ZNF804B: variants seen among roughly 807,000 people sequenced by gnomAD.
ZNF804B encodes the protein zinc finger 804B.
A neutral mutation model predicts 101.4 loss-of-function variants in ZNF804B; 80 were observed. The ratio of observed to expected loss-of-function variants is 0.79; its 90% CI spans 0.66 to 0.95. The LOEUF is 0.95. Among genes scored for constraint, ZNF804B ranks in the 40% least tolerant of loss-of-function variants. The pLI is 0.00. For synonymous variants in ZNF804B, 622 were observed against 558.8 expected (o/e 1.11, Z -1.59); for missense variants, 1,673 against 1,561.9 (o/e 1.07, Z -1.20).
chr7:88,882,690 TCA>T (rs1792062570), intron 1 of ZNF804B, among the ~76,000 whole-genome samples: 1 of 152,056 alleles, frequency 6.6e-6, no homozygotes, highest in Non-Finnish European at 1.5e-5. Flanking sequence ...AAGAATGAGA[TCA>T]TGTCATTTGT....
chr7:89,185,077 T>A (rs1788355991), intron 1 of ZNF804B, among the ~76,000 whole-genome samples: 3 of 152,144 alleles, frequency 2.0e-5, no homozygotes, highest in African/African-American at 4.8e-5. Flanking sequence ...GCAGAAAGAA[T>A]CTTCTCAATT....
At chr7:88,846,170 G>C (rs10230033) in intron 1 of ZNF804B, among the ~76,000 whole-genome samples, 4,266 of 152,148 alleles carry the variant, frequency 0.028, 159 homozygotes, top group African/African-American at 0.08. Context: ...CAATAAATCT[G>C]TTATTGTTTT....
At chr7:88,874,825 G>T (rs1263623139) in intron 1 of ZNF804B, among the ~76,000 whole-genome samples, 1 of 150,922 alleles carries the variant, frequency 6.6e-6, no homozygotes, top group Non-Finnish European at 1.5e-5. Flanking sequence ...GACATCTACA[G>T]AACTCCCCAC....
intron 1 of ZNF804B, among the ~76,000 whole-genome samples, chr7:89,162,007 T>C (rs1451807885): frequency 6.6e-6 from 1 of 152,158 alleles, no homozygotes; most frequent in African/African-American, 2.4e-5. Flanking sequence ...AAGAGGAACA[T>C]ATTTAGGATT....
chr7:88,762,583 C>T (rs1789915214), intron 1 of ZNF804B, among the ~76,000 whole-genome samples: 1 of 152,084 alleles, frequency 6.6e-6, no homozygotes, highest in East Asian at 1.9e-4. Context: ...TACACATTCC[C>T]CAGTTATTTT....
At chr7:88,825,917 A>G (rs3847040) in intron 1 of ZNF804B, among the ~76,000 whole-genome samples, 6,062 of 152,180 alleles carry the variant, frequency 0.04, 151 homozygotes, top group Middle Eastern at 0.051. Context: ...GAAATATAGA[A>G]CAAATAGTTC....
chr7:89,333,358 T>A lies in ZNF804B; in HGVS notation c.381-5T>A. ...TAATCATTTAAATATTTATTGTATTTACAGTGTTTCTGGAAATGGACCAGC... is the reference window on the plus strand; with the variant it reads ...TAATCATTTAAATATTTATTGTATTAACAGTGTTTCTGGAAATGGACCAGC... On this transcript the variant is annotated splice_polypyrimidine_tract_variant and splice_region_variant and intron_variant, in intron 3 of 3. Coordinates refer to ENST00000333190, the MANE Select transcript of ZNF804B (RefSeq NM_181646.5). 3.2e-6 allele frequency: 5 copies of A among 1,576,154 alleles called. No homozygotes were observed. The highest frequency in any genetic ancestry group is 4.3e-6 in the Non-Finnish European group (5 of 1,165,552).
At chr7:89,167,444 T>TATAAATAAATAAATAAGTAA (rs5741659) in intron 1 of ZNF804B, among the ~76,000 whole-genome samples, 5 of 112,438 alleles carry the variant, frequency 4.4e-5, no homozygotes, top group Admixed American at 8.9e-5. Flanking sequence ...GACAGTGTCT[T>TATAAATAAATAAATAAGTAA]ATAAATAAAT....
chr7:89,121,707 C>T (rs1406880034), intron 1 of ZNF804B, among the ~76,000 whole-genome samples: 1 of 151,898 alleles, frequency 6.6e-6, no homozygotes, highest in Non-Finnish European at 1.5e-5. Flanking sequence ...AAAGATTTAC[C>T]CAGAGGTATA....
Position 88,911,618 on chromosome 7 carries a change from A to G in ZNF804B, c.108+151534A>G, listed in dbSNP as rs1222915911. Among the ~76,000 whole-genome samples the G allele has an allele frequency of 2.0e-5, 3 of 151,502 alleles. No individual in the cohort carries two copies. The East Asian group carries it at 5.8e-4, about 29-fold the overall frequency. On this transcript the variant is annotated intron_variant, in intron 1 of 3. Transcript: ENST00000333190. The stretch of plus-strand genomic sequence containing the variant: ...CTCTCAGCAATTAATCATTTATTCT[A>G]TTGATGCAAGCTTTTAGTTTTGTTG...
chr7:88,869,730 C>G (rs1236234883), intron 1 of ZNF804B, among the ~76,000 whole-genome samples: 2 of 151,986 alleles, frequency 1.3e-5, no homozygotes, highest in African/African-American at 2.4e-5. Flanking sequence ...AGATAAGGAA[C>G]CCCTGGAGTT....
intron 1 of ZNF804B, among the ~76,000 whole-genome samples, chr7:89,015,300 C>T (rs543604247): frequency 1.5e-3 from 218 of 148,774 alleles, no homozygotes; most frequent in Non-Finnish European, 2.4e-3. Context: ...AGCTTTGTTT[C>T]TTTTTTCTTT....
At chr7:89,279,257 A>C (rs1790040652) in intron 2 of ZNF804B, among the ~76,000 whole-genome samples, 2 of 152,150 alleles carry the variant, frequency 1.3e-5, no homozygotes, top group East Asian at 3.9e-4. Flanking sequence ...TTGGGCTGAG[A>C]CAGTGGGGTT....
At chr7:89,272,976 T>C (rs1789920772) in intron 2 of ZNF804B, among the ~76,000 whole-genome samples, 1 of 152,148 alleles carries the variant, frequency 6.6e-6, no homozygotes, top group African/African-American at 2.4e-5. Flanking sequence ...TTACATTGAT[T>C]TTCAAATGCT....
At chr7:88,837,550 A>G (rs928550261) in intron 1 of ZNF804B, among the ~76,000 whole-genome samples, 6 of 152,024 alleles carry the variant, frequency 3.9e-5, no homozygotes, top group Admixed American at 6.6e-5. Context: ...AGAGTGGAAT[A>G]TACAATTTAA....
intron 1 of ZNF804B, among the ~76,000 whole-genome samples, chr7:88,827,687 C>T (rs1446333241): frequency 6.6e-6 from 1 of 151,998 alleles, no homozygotes; most frequent in East Asian, 1.9e-4. Flanking sequence ...CCATTGCCCA[C>T]CTCGTTTTCC....
intron 1 of ZNF804B, among the ~76,000 whole-genome samples, chr7:89,121,798 G>C (rs1790409667): frequency 6.6e-6 from 1 of 152,002 alleles, no homozygotes; most frequent in Non-Finnish European, 1.5e-5. Flanking sequence ...TTTAAATGCA[G>C]AACCAGGTGG....
At chr7:88,856,017 A>G (rs1755640114) in intron 1 of ZNF804B, among the ~76,000 whole-genome samples, 1 of 152,120 alleles carries the variant, frequency 6.6e-6, no homozygotes, top group African/African-American at 2.4e-5. Context: ...GCCTTGTAGT[A>G]TAGTTTGAAA....
At chr7:88,844,499 T>C (rs1791340823) in intron 1 of ZNF804B, among the ~76,000 whole-genome samples, 1 of 152,240 alleles carries the variant, frequency 6.6e-6, no homozygotes, top group African/African-American at 2.4e-5. Flanking sequence ...CCCTGTATTA[T>C]TGATAAACAA....
Sources: gnomAD v4.1 joint callset for allele counts (sites outside exome capture counted in the v4.1 genomes callset) on GRCh38, gnomAD v4.1.1 for gene constraint, MANE v1.5 for transcripts, NCBI Gene and HGNC (gene_info 2026-07-23, HGNC 2026-07-21) for gene names.